Variants in SLC2A14 observed in about 807,000 individuals in gnomAD.
SLC2A14 encodes solute carrier family 2, facilitated glucose transporter member 14.
A neutral mutation model predicts 43.0 loss-of-function variants in SLC2A14; 13 were observed. The ratio of observed to expected loss-of-function variants is 0.30; its 90% CI spans 0.20 to 0.48. The LOEUF (loss-of-function observed/expected upper bound fraction) is 0.48, where lower values mean the gene tolerates loss of function less well. SLC2A14 is among the 20% of genes least tolerant of loss of function. SLC2A14 has a pLI of 0.99. For synonymous variants in SLC2A14, 190 were observed against 233.8 expected (o/e 0.81, Z 1.71); for missense variants, 428 against 620.4 (o/e 0.69, Z 3.29).
At chr12:7,821,144 A>G in intron 8 of SLC2A14, 77 bp downstream of exon 8, 2 of 1,079,216 alleles carry the variant, frequency 1.9e-6, no homozygotes, top group Non-Finnish European at 2.8e-6. Flanking sequence ...ATAACGGTGG[A>G]GCCATGCAAT....
intron 2 of SLC2A14, among the ~76,000 whole-genome samples, chr12:7,839,380 G>T (rs1260961104): frequency 2.8e-4 from 43 of 151,844 alleles, no homozygotes; most frequent in Non-Finnish European, 4.4e-5. Context: ...GCTTGGCAGG[G>T]TGTCAAAAGG....
upstream of SLC2A14, among the ~76,000 whole-genome samples, chr12:7,874,937 T>G (rs188952594): frequency 1.5e-5 from 1 of 65,680 alleles, no homozygotes; most frequent in African/African-American, 7.2e-5. Flanking sequence ...TTATATATAA[T>G]TTATATATAA....
At chr12:7,861,147 G>C (rs1450810840) in intron 2 of SLC2A14, among the ~76,000 whole-genome samples, 2 of 152,212 alleles carry the variant, frequency 1.3e-5, no homozygotes, top group Non-Finnish European at 2.9e-5. Flanking sequence ...CAGCCAAAAG[G>C]AAGAACCAAA....
intron 2 of SLC2A14, among the ~76,000 whole-genome samples, chr12:7,848,191 A>T (rs1261252148): frequency 6.6e-6 from 1 of 152,094 alleles, no homozygotes; most frequent in Non-Finnish European, 1.5e-5. Flanking sequence ...GTGGGAGGTT[A>T]TAAAGGGGTT....
intron 2 of SLC2A14, among the ~76,000 whole-genome samples, chr12:7,843,871 G>A (rs951456474): frequency 6.6e-6 from 1 of 151,308 alleles, no homozygotes; most frequent in African/African-American, 2.4e-5. Context: ...TTAGTGCTGG[G>A]GCGGTTAGAA....
chr12:7,872,514 G>C (rs893354774), intron 1 of SLC2A14: 2 of 152,614 alleles, frequency 1.3e-5, no homozygotes, highest in African/African-American at 4.8e-5. Flanking sequence ...ACATTTTCTT[G>C]TCTGTCTCTT....
intron 2 of SLC2A14, among the ~76,000 whole-genome samples, chr12:7,862,698 A>T (rs1944649134): frequency 6.6e-6 from 1 of 152,118 alleles, no homozygotes; most frequent in South Asian, 2.1e-4. Context: ...CAGGGATTGT[A>T]AATACACCAA....
At chr12:7,854,421 G>GT (rs1228389527) in intron 2 of SLC2A14, among the ~76,000 whole-genome samples, 1 of 152,050 alleles carries the variant, frequency 6.6e-6, no homozygotes, top group East Asian at 1.9e-4. Context: ...ATTATAAACT[G>GT]TCCCTTGATC....
At position 7,825,069 on chromosome 12, in the gene SLC2A14, A is replaced by AT. The variant is rs1239783562; in HGVS notation, c.864+2425dup. ...TGGATTCAGCTGACTCAGGAATCCCATCCCCCATAATTCCGGTGCAGCTAA... is the reference window on the plus strand; with the variant it reads ...TGGATTCAGCTGACTCAGGAATCCCATTCCCCCATAATTCCGGTGCAGCTAA... On this transcript the variant is annotated intron_variant, in intron 7 of 10. Coordinates refer to ENST00000431042, the MANE Select transcript of SLC2A14 (RefSeq NM_001286234.2). 5.3e-5 allele frequency among the ~76,000 whole-genome samples: 8 copies of AT among 152,250 alleles called. No individual in the cohort carries two copies. The South Asian group carries it at 1.0e-3, about 20-fold the overall frequency.
Position 7,831,668 on chromosome 12 carries a change from T to C in SLC2A14, c.208A>G (p.Ile70Val). 1 of 1,614,200 alleles carries C rather than the reference T, an allele frequency of 6.2e-7. No homozygotes were observed. Among genetic ancestry groups the C allele is most frequent in the Admixed American group, 1.7e-5 (1 of 60,016 alleles). ...CCGATCATACCCCCGACGGAAAATA[T>C]GGCCACAGACAAGGACCAGAGATTC... is the stretch of plus-strand genomic sequence containing the variant. ...LTNLWSLSVA[I>V]FSVGGMIGSF... Residue 70 changes from isoleucine (I) to valine (V), a missense_variant, in exon 4 of 11, where the codon ATA becomes GTA. Physicochemically the swap from Ile to Val is conservative, Grantham distance 29 (BLOSUM62 3). Around this residue, in one of 4 missense-constraint regions of SLC2A14, gnomAD observed 122 missense variants for 128.8 expected, o/e 0.95. Transcript: ENST00000431042.
At chr12:7,885,007 A>G (rs1444896610) in intron 1 of SLC2A14, among the ~76,000 whole-genome samples, 1 of 151,970 alleles carries the variant, frequency 6.6e-6, no homozygotes, top group Non-Finnish European at 1.5e-5. Flanking sequence ...TTGACAATGC[A>G]GTTTGATGGT....
intron 2 of SLC2A14, among the ~76,000 whole-genome samples, chr12:7,833,793 A>AG (rs1467810487): frequency 2.7e-4 from 27 of 99,276 alleles, no homozygotes; most frequent in Middle Eastern, 5.4e-3. Context: ...AAAAAAAAAA[A>AG]AAAGAGAGAG....
chr12:7,875,095 TTTAA>T (rs1565585578), upstream of SLC2A14, among the ~76,000 whole-genome samples: 12 of 84,708 alleles, frequency 1.4e-4, no homozygotes, highest in South Asian at 4.3e-4. Flanking sequence ...TCTATTTAAA[TTTAA>T]ATATTTAAAT....
chr12:7,883,543 G>C (rs1945629057), intron 1 of SLC2A14, among the ~76,000 whole-genome samples: 2 of 149,976 alleles, frequency 1.3e-5, no homozygotes, highest in South Asian at 4.2e-4. Flanking sequence ...TGAGATTACA[G>C]GCATGAGCCA....
chr12:7,839,924 C>CAAAAA lies in SLC2A14; in HGVS notation c.19-7115_19-7111dup, dbSNP rs57569188. 31 of 168,128 alleles carry CAAAAA rather than the reference C, an allele frequency of 1.8e-4. 2 individuals are homozygous for CAAAAA. Among genetic ancestry groups the CAAAAA allele is most frequent in the South Asian group, 3.8e-4 (9 of 23,730 alleles). The allele number at this position is 168,128 out of a possible 1,614,324, so 10.4% of individuals were successfully genotyped here. ...GCGACACAAGGAGACCCTGTCTCTA[C>CAAAAA]AAAAAAAAAAAAAAAAAAAAAAAAA... is the stretch of plus-strand genomic sequence containing the variant. On this transcript the variant is annotated intron_variant, in intron 2 of 10. Coordinates refer to ENST00000431042, the MANE Select transcript of SLC2A14 (RefSeq NM_001286234.2).
intron 2 of SLC2A14, among the ~76,000 whole-genome samples, chr12:7,837,813 A>G (rs753946542): frequency 7.9e-5 from 12 of 151,726 alleles, no homozygotes; most frequent in Admixed American, 2.0e-4. Context: ...GCTAGAGTGC[A>G]GTAGCACAGT....
intron 2 of SLC2A14, among the ~76,000 whole-genome samples, chr12:7,854,836 A>T (rs898103169): frequency 6.7e-6 from 1 of 149,474 alleles, no homozygotes; most frequent in African/African-American, 2.5e-5. Flanking sequence ...TTTGAGATGG[A>T]GTCTCGCTCT....
chr12:7,827,068 TCTCTC>T, intron 7 of SLC2A14, among the ~76,000 whole-genome samples: 4 of 79,504 alleles, frequency 5.0e-5, no homozygotes, highest in Non-Finnish European at 6.0e-5. Flanking sequence ...TTTCTTTCTC[TCTCTC>T]TCTTTCTTTC....
In SLC2A14 at chr12:7,828,740, G is replaced by A. The variant is rs1329978534; in HGVS notation, c.640C>T (p.Leu214Phe). 6.2e-7 allele frequency: 1 copy of A among 1,613,912 alleles called. No homozygotes were observed. Among genetic ancestry groups the A allele is most frequent in the Non-Finnish European group, 8.5e-7 (1 of 1,179,996 alleles). Residue 214 changes from leucine (L) to phenylalanine (F), a missense_variant, in exon 6 of 11, where the codon CTC (leucine) becomes TTC (phenylalanine). By Grantham distance (22) the Leu-to-Phe change is conservative. Around this residue, in one of 4 missense-constraint regions of SLC2A14, gnomAD observed 185 missense variants for 275.4 expected, o/e 0.67. Transcript: ENST00000431042. The stretch of plus-strand genomic sequence containing the variant: ...TTCTCCTCTTTTTTTCTGTTAATGA[G>A]CAAAAATCTGGGACTTTCAGGGCAA... ...PCCPESPRFL[L>F]INRKKEENAT... is the part of the protein sequence containing the mutation.
Sources: gnomAD v4.1 joint callset for allele counts (sites outside exome capture counted in the v4.1 genomes callset) on GRCh38, gnomAD v4.1.1 for gene constraint, gnomAD v4.1.1 regional missense constraint, MANE v1.5 for transcripts, NCBI Gene and HGNC (gene_info 2026-07-23, HGNC 2026-07-21) for gene names.